FOXN3: variants seen among roughly 807,000 people sequenced by gnomAD.
FOXN3 encodes the protein forkhead box protein N3.
A neutral mutation model predicts 38.4 loss-of-function variants in FOXN3; 7 were observed. The observed-to-expected ratio is 0.18, with a 90% CI of 0.10 to 0.34. The LOEUF (loss-of-function observed/expected upper bound fraction) is 0.34, where lower values mean the gene tolerates loss of function less well. FOXN3 is among the 10% of genes least tolerant of loss of function. The probability of loss-of-function intolerance (pLI) is 1.00; values close to 1 mark genes in which losing one functional copy is unlikely to be tolerated. For synonymous variants in FOXN3, 230 were observed against 242.2 expected (o/e 0.95, Z 0.47); for missense variants, 456 against 613.4 (o/e 0.74, Z 2.71).
chr14:89,280,810 C>T (rs1020409989), intron 4 of FOXN3, 140 bp downstream of exon 4: 10 of 653,418 alleles, frequency 1.5e-5, no homozygotes, highest in Non-Finnish European at 2.4e-5. Flanking sequence ...ATAGTCCCCA[C>T]CCACAACAGT....
intron 3 of FOXN3, among the ~76,000 whole-genome samples, chr14:89,310,903 T>C (rs1887519535): frequency 6.7e-6 from 1 of 149,946 alleles, no homozygotes; most frequent in African/African-American, 2.5e-5. Flanking sequence ...GGTCAGGAGT[T>C]TGAGACAAGC....
At chr14:89,379,342 C>G (rs776048052) in intron 2 of FOXN3, among the ~76,000 whole-genome samples, 6 of 152,110 alleles carry the variant, frequency 3.9e-5, no homozygotes, top group Non-Finnish European at 7.4e-5. Flanking sequence ...GATTCTAGAC[C>G]GTGGTTTCTC....
chr14:89,596,019 A>T (rs773108251), intron 1 of FOXN3, among the ~76,000 whole-genome samples: 17 of 152,198 alleles, frequency 1.1e-4, no homozygotes, highest in Non-Finnish European at 1.6e-4. Flanking sequence ...TTTCAAATAT[A>T]TTACACTAAC....
intron 2 of FOXN3, among the ~76,000 whole-genome samples, chr14:89,370,762 G>A (rs1006563966): frequency 8.5e-5 from 13 of 152,220 alleles, no homozygotes; most frequent in African/African-American, 3.1e-4. Flanking sequence ...ACACAGAGCC[G>A]TAAATTACAC....
rs374638882 is a variant in FOXN3, at chr14:89,548,980, G to T, written c.-15+70048C>A. On this transcript the variant is annotated intron_variant, in intron 1 of 6. Coordinates refer to the FOXN3 transcript ENST00000345097. The surrounding 1 kb of genome is among the most constrained non-coding windows in gnomAD (Gnocchi z 4.8). ...CTGAAAATACAAAAATTAGCCAGGC[G>T]TAGTGGCCGGTGCTTGTAATCCCAG... Among the ~76,000 whole-genome samples the T allele has an allele frequency of 6.6e-6, 1 of 151,978 alleles. No individual in the cohort carries two copies. Among genetic ancestry groups the T allele is most frequent in the Non-Finnish European group, 1.5e-5 (1 of 68,002 alleles).
intron 1 of FOXN3, among the ~76,000 whole-genome samples, chr14:89,610,144 A>T (rs1326465897): frequency 6.6e-6 from 1 of 152,210 alleles, no homozygotes; most frequent in Non-Finnish European, 1.5e-5. Flanking sequence ...AAGACTGTAG[A>T]AGGAACTGAA....
At chr14:89,385,428 G>T (rs1890764527) in intron 2 of FOXN3, among the ~76,000 whole-genome samples, 1 of 147,496 alleles carries the variant, frequency 6.8e-6, no homozygotes, top group African/African-American at 2.5e-5. Context: ...TTAATTATAG[G>T]TAAAGCCATC....
At chr14:89,472,564 C>CA (rs1210991839) in intron 1 of FOXN3, among the ~76,000 whole-genome samples, 1 of 151,296 alleles carries the variant, frequency 6.6e-6, no homozygotes, top group Non-Finnish European at 1.5e-5. Context: ...ACTAAAATTA[C>CA]AAAAAAATTA....
chr14:89,451,676 C>T (rs1892615264), intron 1 of FOXN3, among the ~76,000 whole-genome samples: 1 of 152,190 alleles, frequency 6.6e-6, no homozygotes, highest in Non-Finnish European at 1.5e-5. Flanking sequence ...TAATCTTCAT[C>T]ACCCCTGCCT....
At chr14:89,288,716 CTCTCTCTCTATATATATATATATATA>C (rs1185932377) in intron 3 of FOXN3, among the ~76,000 whole-genome samples, 369 of 51,638 alleles carry the variant, frequency 7.1e-3, no homozygotes, top group Middle Eastern at 9.4e-3. Context: ...CTCTCTCTCT[CTCTCTCTCTATATATATATATATATA>C]TATATATATA....
intron 2 of FOXN3, among the ~76,000 whole-genome samples, chr14:89,404,261 G>A (rs1891326327): frequency 6.6e-6 from 1 of 151,822 alleles, no homozygotes; most frequent in Non-Finnish European, 1.5e-5. Context: ...TGTAATCTCA[G>A]CACTTTGGGA....
chr14:89,432,961 G>A (rs561097586), intron 1 of FOXN3, among the ~76,000 whole-genome samples: 14 of 152,182 alleles, frequency 9.2e-5, no homozygotes, highest in East Asian at 5.8e-4. Context: ...GATTACAGGC[G>A]TGAGCCAACG....
Position 89,163,245 on chromosome 14 carries a change from A to C in FOXN3, c.852-276T>G, listed in dbSNP as rs1315192414. 1.3e-5 allele frequency among the ~76,000 whole-genome samples: 2 copies of C among 152,204 alleles called. No homozygotes were observed. The highest frequency in any genetic ancestry group is 3.8e-4 in the East Asian group (2 of 5,196). ...CAAAACAACAATCTTCTGAAGCGAC[A>C]GTGGTGGAGGCTCCATCTCTTACAT... On this transcript the variant is annotated intron_variant, in intron 5 of 5. Transcript: ENST00000557258. The surrounding 1 kb of genome is among the most constrained non-coding windows in gnomAD (Gnocchi z 4.3).
rs1894555374 is a variant in FOXN3 at position 89,531,080 on chromosome 14, A to G, written c.-15+87948T>C. 3.4e-5 allele frequency among the ~76,000 whole-genome samples: 5 copies of G among 146,466 alleles called. No individual in the cohort carries two copies. The Admixed American group carries it at 3.4e-4, about 10-fold the overall frequency. ...ACACATATATATTATATATACACAC[A>G]CATATATATACACACACATATATAA... On this transcript the variant is annotated intron_variant, in intron 1 of 6. Coordinates refer to the FOXN3 transcript ENST00000345097.
At chr14:89,616,199 G>GTAAAT (rs1896489199) in intron 1 of FOXN3, among the ~76,000 whole-genome samples, 3 of 152,076 alleles carry the variant, frequency 2.0e-5, no homozygotes, top group Non-Finnish European at 4.4e-5. Context: ...AAAATGAACG[G>GTAAAT]GGTTGGGGGT....
intron 4 of FOXN3, among the ~76,000 whole-genome samples, chr14:89,226,448 A>G (rs948780516): frequency 5.3e-5 from 8 of 152,082 alleles, no homozygotes; most frequent in Admixed American, 2.6e-4. Flanking sequence ...GGTAAGTTTT[A>G]AATTTTTTGT....
At chr14:89,510,234 T>C (rs1450967058) in intron 1 of FOXN3, among the ~76,000 whole-genome samples, 1 of 152,216 alleles carries the variant, frequency 6.6e-6, no homozygotes, top group Non-Finnish European at 1.5e-5. Flanking sequence ...AGACTGGGAC[T>C]GGAACCCACG....
At chr14:89,593,209 G>T (rs1465739283) in intron 1 of FOXN3, among the ~76,000 whole-genome samples, 1 of 146,562 alleles carries the variant, frequency 6.8e-6, no homozygotes. Context: ...AGGAGAGAGG[G>T]AGAAGGAAGG....
At position 89,161,556 on chromosome 14, in the gene FOXN3, C is replaced by CGTGTGTGTGTGTGTGTGTGTGTGTGTGT. The variant is rs368359011; in HGVS notation, c.*830_*857dup. On this transcript the variant is annotated 3_prime_UTR_variant, in exon 6 of 6. Coordinates refer to ENST00000557258, the MANE Select transcript of FOXN3 (RefSeq NM_005197.4). ...CCATCAGTTTTCTCTCTCTCTCCTT[C>CGTGTGTGTGTGTGTGTGTGTGTGTGTGT]GTGTGTGTGTGTGTGTGTGTGTGTG... 2 of 109,390 alleles carry CGTGTGTGTGTGTGTGTGTGTGTGTGTGT rather than the reference C, an allele frequency of 1.8e-5. No homozygotes were observed. The highest frequency in any genetic ancestry group is 6.2e-5 in the African/African-American group (2 of 32,510). The allele number at this position is 109,390 out of a possible 1,614,324, so 6.8% of individuals were successfully genotyped here. A position where few individuals can be genotyped will look rare whatever the true frequency, so the allele number is the denominator to read the frequency against.
Sources: allele counts gnomAD v4.1 joint callset (sites outside exome capture counted in the v4.1 genomes callset), GRCh38; gene constraint gnomAD v4.1.1; non-coding constraint Gnocchi (gnomAD v3.1); transcripts MANE v1.5; gene names NCBI Gene and HGNC (gene_info 2026-07-23, HGNC 2026-07-21).